The following OIT3 variants were observed in gnomAD, a reference collection of about 807,000 sequenced individuals.
OIT3 encodes the protein oncoprotein induced transcript 3, also known as oncoprotein-induced transcript 3 protein.
Under a neutral mutation model 52.2 loss-of-function variants are expected in OIT3, and 41 were observed. The observed-to-expected ratio is 0.79, with a 90% CI of 0.61 to 1.02. The LOEUF is 1.02. OIT3 is among the 50% of genes least tolerant of loss of function. The probability of loss-of-function intolerance (pLI) is 0.00; values close to 1 mark genes in which losing one functional copy is unlikely to be tolerated. For synonymous variants in OIT3, 244 were observed against 276.9 expected, an observed-to-expected ratio of 0.88 and a Z score of 1.18; for missense variants, 634 against 715.5, an observed-to-expected ratio of 0.89 and a Z score of 1.30.
At chr10:72,899,071 C>A in intron 2 of OIT3, 33 bp downstream of exon 2, 1 of 1,563,068 alleles carries the variant, frequency 6.4e-7, no homozygotes, top group South Asian at 1.2e-5. Flanking sequence ...TTTTCTCCAC[C>A]AACAAGGCCA....
intron 6 of OIT3, chr10:72,917,606 A>C: frequency 1.3e-6 from 1 of 786,472 alleles, no homozygotes; most frequent in Admixed American, 1.7e-5. Context: ...TAAGATGGAA[A>C]ATTTTTAACA....
intron 7 of OIT3, among the ~76,000 whole-genome samples, chr10:72,927,270 G>T (rs1201947585): frequency 1.3e-5 from 2 of 152,196 alleles, no homozygotes; most frequent in Admixed American, 6.5e-5. Flanking sequence ...CTCCCAAGTA[G>T]CTGGGACCAC....
chr10:72,902,929 G>T lies in OIT3; in HGVS notation c.544+2445G>T, dbSNP rs77348926. On this transcript the variant is annotated intron_variant, in intron 3 of 8. Transcript: ENST00000334011. ...TTATTGGCCATTTTTAAACATCAAA[G>T]GTAGCATATCATTCACATCTCTTCC... 3.3e-3 allele frequency among the ~76,000 whole-genome samples: 498 copies of T among 152,140 alleles called. 3 individuals carry two copies. The highest frequency in any genetic ancestry group is 0.011 in the African/African-American group (468 of 41,502).
intron 6 of OIT3, chr10:72,918,416 G>T (rs1846092576): frequency 3.8e-6 from 3 of 786,204 alleles, no homozygotes; most frequent in African/African-American, 1.7e-5. Flanking sequence ...AAGATAACTG[G>T]TGCTCATCTT....
At position 72,893,780 on chromosome 10, in the gene OIT3, TG is replaced by T. The variant is rs780365780; in HGVS notation, c.-17del. On this transcript the variant is annotated 5_prime_UTR_variant, in exon 1 of 9. Coordinates refer to ENST00000334011, the MANE Select transcript of OIT3 (RefSeq NM_152635.3). The stretch of plus-strand genomic sequence containing the variant: ...TATTAAGAGGATTTTCCAGTGTTTC[TG>T]GCAGTTGGTCCAGAAGGATGCCTCC... 9 of 1,600,694 alleles carry T rather than the reference TG, an allele frequency of 5.6e-6. No individual in the cohort carries two copies. The highest frequency in any genetic ancestry group is 7.7e-6 in the Non-Finnish European group (9 of 1,174,036).
intron 7 of OIT3, among the ~76,000 whole-genome samples, chr10:72,929,009 G>A (rs534295048): frequency 2.0e-5 from 3 of 152,140 alleles, no homozygotes; most frequent in Admixed American, 1.3e-4. Flanking sequence ...TTGAGTTCAA[G>A]ACCAGCCTGG....
intron 1 of OIT3, among the ~76,000 whole-genome samples, chr10:72,896,754 C>G (rs1193681909): frequency 6.6e-6 from 1 of 152,156 alleles, no homozygotes; most frequent in Non-Finnish European, 1.5e-5. Flanking sequence ...ATACTGAATT[C>G]CCTGCCCACA....
chr10:72,913,853 A>T (rs1482979130), intron 6 of OIT3, among the ~76,000 whole-genome samples: 1 of 152,258 alleles, frequency 6.6e-6, no homozygotes, highest in Non-Finnish European at 1.5e-5. Flanking sequence ...GTATTGAACC[A>T]GGTTGAGTGA....
intron 6 of OIT3, among the ~76,000 whole-genome samples, chr10:72,923,252 C>G (rs796717719): frequency 1.3e-5 from 2 of 152,182 alleles, no homozygotes; most frequent in African/African-American, 4.8e-5. Context: ...TGCTCCAGTC[C>G]CTAGTCACCT....
chr10:72,906,630 C>A lies in OIT3; in HGVS notation c.579C>A (p.Cys193Ter). The stretch of plus-strand genomic sequence containing the variant: ...AATGTGAGCAAAACAACGGTGGCTG[C>A]AGTGAGATCTGTGTGAACCTCAAAA... ...ENECEQNNGG[C>*]SEICVNLKNS... is the part of the protein sequence containing the mutation. The change falls in exon 4 of 9, where the codon TGC (cysteine) becomes TGA (stop). Residue 193 changes from cysteine (C) to a stop codon, truncating the protein, a stop_gained. Transcript: ENST00000334011. LOFTEE classifies it high-confidence loss of function. 6.2e-7 allele frequency: 1 copy of A among 1,613,750 alleles called. No homozygotes were observed. Among genetic ancestry groups the A allele is most frequent in the Non-Finnish European group, 8.5e-7 (1 of 1,179,772 alleles).
intron 6 of OIT3, among the ~76,000 whole-genome samples, chr10:72,923,506 G>A (rs920041154): frequency 2.0e-5 from 3 of 152,134 alleles, no homozygotes; most frequent in East Asian, 1.9e-4. Flanking sequence ...CTGTGCTGTG[G>A]TACCGTTTCC....
chr10:72,917,935 T>C, intron 6 of OIT3: 1 of 1,008,006 alleles, frequency 9.9e-7, no homozygotes. Context: ...GTATCTTGTA[T>C]AGATTTCTTC....
intron 6 of OIT3, 119 bp downstream of exon 6, chr10:72,913,587 T>G: frequency 1.2e-6 from 1 of 851,776 alleles, no homozygotes; most frequent in Non-Finnish European, 2.0e-6. Flanking sequence ...ACAAAAGAAC[T>G]GAGCTCAAAA....
In OIT3 at chr10:72,913,371, T is replaced by C. The variant is rs1846046888; in HGVS notation, c.854T>C (p.Leu285Pro). ...VNIPRELVGG[L>P]ELFLTNTSCR... is the part of the protein sequence containing the mutation. ...ATCCCCAGGGAGCTGGTTGGTGGCC[T>C]GGAGCTCTTCCTGACCAACACCTCC... Residue 285 changes from leucine (L) to proline (P), a missense_variant, in exon 6 of 9, where the codon CTG (leucine) becomes CCG (proline). Transcript: ENST00000334011. 6.2e-7 allele frequency: 1 copy of C among 1,613,326 alleles called. No homozygotes were observed. Among genetic ancestry groups the C allele is most frequent in the East Asian group, 2.2e-5 (1 of 44,882 alleles).
At chr10:72,916,291 C>T (rs967045408) in intron 6 of OIT3, among the ~76,000 whole-genome samples, 10 of 152,034 alleles carry the variant, frequency 6.6e-5, no homozygotes, top group African/African-American at 1.9e-4. Context: ...GCCTACTACC[C>T]GTTAGCTATA....
chr10:72,900,444 TC>T lies in OIT3; in HGVS notation c.506del (p.Pro169GlnfsTer5). 1 of 1,612,290 alleles carries T rather than the reference TC, an allele frequency of 6.2e-7. No individual in the cohort carries two copies. On this transcript the variant is annotated frameshift_variant, in exon 3 of 9. Transcript: ENST00000334011. LOFTEE classifies it high-confidence loss of function. ...CSDTSECTCA[P>X]GTVLGPDRQT... ...CAGATACCAGCGAGTGCACATGCGC[TC>T]CAGGAACTGTGCTAGGCCCTGACAG...
chr10:72,917,742 G>T (rs2132941847), intron 6 of OIT3: 1 of 1,197,142 alleles, frequency 8.4e-7, no homozygotes, highest in Non-Finnish European at 1.2e-6. Context: ...TTTGGGAAGA[G>T]AATCACCTTT....
rs566867442 is a variant in OIT3 at position 72,911,656 on chromosome 10, C to T, written c.668-61C>T. The T allele has an allele frequency of 8.3e-4, 1,300 of 1,563,422 alleles. 1 individual carries two copies. Among genetic ancestry groups the T allele is most frequent in the Admixed American group, 1.2e-3 (65 of 54,986 alleles). The stretch of plus-strand genomic sequence containing the variant: ...TAAGTATAATCCCTGATGCAAAGTG[C>T]CAGAATTCTTGGGGTAGAGGGTTAC... On this transcript the variant is annotated intron_variant, in intron 4 of 8. Coordinates refer to ENST00000334011, the MANE Select transcript of OIT3 (RefSeq NM_152635.3).
At position 72,924,539 on chromosome 10, in the gene OIT3, A is replaced by T. The variant is rs1846151500; in HGVS notation, c.1262A>T (p.Glu421Val). Residue 421 changes from glutamate to valine, a missense_variant, in exon 7 of 9, where the codon GAG becomes GTG. Physicochemically the swap from Glu to Val is moderately radical, Grantham distance 121 (BLOSUM62 -2). Coordinates refer to ENST00000334011, the MANE Select transcript of OIT3 (RefSeq NM_152635.3). ...KLRDSLYFGI[E>V]PVVHVSGLES... ...CGTGACTCCCTCTACTTTGGCATTG[A>T]GCCCGTGGTGCACGTGAGCGGCTTG... The T allele has an allele frequency of 1.2e-6, 2 of 1,613,996 alleles. No individual in the cohort carries two copies. Among genetic ancestry groups the T allele is most frequent in the Non-Finnish European group, 1.7e-6 (2 of 1,180,018 alleles).
Sources: allele counts gnomAD v4.1 joint callset (sites outside exome capture counted in the v4.1 genomes callset), GRCh38; gene constraint gnomAD v4.1.1; transcripts MANE v1.5; gene names NCBI Gene and HGNC (gene_info 2026-07-23, HGNC 2026-07-21).